Variants in CCDC171 observed in about 807,000 individuals in gnomAD.
The protein encoded by CCDC171 is coiled-coil domain containing 171.
In CCDC171, 177 loss-of-function variants were observed where a neutral mutation model predicts 168.2. The observed-to-expected ratio is 1.05, with a 90% CI of 0.93 to 1.19. The LOEUF is 1.19. Ranked by LOEUF, CCDC171 falls within the 50% of genes most tolerant of loss-of-function variation. CCDC171 has a pLI of 0.00. For missense variants in CCDC171, 1,991 were observed against 1,539.0 expected (o/e 1.29, Z -4.91); for synonymous variants, 687 against 540.8 (o/e 1.27, Z -3.75).
At chr9:16,092,123 A>G in the CCDC171 span, among the ~76,000 whole-genome samples, 1 of 152,224 alleles carries the variant, frequency 6.6e-6, no homozygotes, top group East Asian at 1.9e-4. Context: ...CAACTTGGAA[A>G]AGCAAATAGG....
intron 19 of CCDC171, among the ~76,000 whole-genome samples, 190 bp from the exon 20 acceptor site, chr9:15,778,778 T>C (rs1037704434): frequency 2.6e-5 from 4 of 152,140 alleles, no homozygotes; most frequent in African/African-American, 9.7e-5. Flanking sequence ...ATTTCTTTTC[T>C]CCAGATGTTC....
Position 15,783,144 on chromosome 9 carries a change from A to G in CCDC171, c.3082-1365A>G, listed in dbSNP as rs577268018. 2.6e-5 allele frequency among the ~76,000 whole-genome samples: 4 copies of G among 152,308 alleles called. No individual in the cohort carries two copies. In the East Asian group the frequency reaches 7.7e-4, roughly 29 times the overall value. ...GTGGCAGGCAGGGTACCTGGTGCCAAAATAAAACTGAGTGCTTATGTATTA... is the reference window on the plus strand; with the variant it reads ...GTGGCAGGCAGGGTACCTGGTGCCAGAATAAAACTGAGTGCTTATGTATTA... On this transcript the variant is annotated intron_variant, in intron 20 of 25. Coordinates refer to ENST00000380701, the MANE Select transcript of CCDC171 (RefSeq NM_173550.4).
intron 16 of CCDC171, among the ~76,000 whole-genome samples, chr9:15,739,557 T>G (rs2054714093): frequency 6.6e-6 from 1 of 152,104 alleles, no homozygotes; most frequent in African/African-American, 2.4e-5. Context: ...TAGTTCAGTA[T>G]AAGGATTTAA....
intron 10 of CCDC171, among the ~76,000 whole-genome samples, chr9:15,689,574 G>C (rs1163135724): frequency 6.6e-6 from 1 of 152,114 alleles, no homozygotes; most frequent in African/African-American, 2.4e-5. Flanking sequence ...TGCCAGGTGT[G>C]ATGGCGCGTA....
chr9:15,911,957 G>T (rs201345024), intron 24 of CCDC171, among the ~76,000 whole-genome samples: 1 of 152,014 alleles, frequency 6.6e-6, no homozygotes. Context: ...GTAGCCTTGT[G>T]GTATAGTTTG....
At position 15,643,185 on chromosome 9, in the gene CCDC171, C is replaced by G. The variant is rs533980965; in HGVS notation, c.823-13942C>G. Among the ~76,000 whole-genome samples, 51 of 152,004 alleles carry G rather than the reference C, an allele frequency of 3.4e-4. No homozygotes were observed. The South Asian group carries it at 5.8e-3, about 17-fold the overall frequency. On this transcript the variant is annotated intron_variant, in intron 7 of 25. Transcript: ENST00000380701. ...TTGCTAGCTTTTAAAATCATTTATT[C>G]TCAATCCTATGGGCTATTTCCTTGT...
chr9:15,628,616 A>G (rs1397746867), intron 7 of CCDC171, among the ~76,000 whole-genome samples: 1 of 152,218 alleles, frequency 6.6e-6, no homozygotes, highest in Non-Finnish European at 1.5e-5. Context: ...AGACAAACAA[A>G]AAGACAGCAG....
chr9:15,598,880 A>C (rs2042599633), intron 6 of CCDC171, among the ~76,000 whole-genome samples: 2 of 152,114 alleles, frequency 1.3e-5, no homozygotes, highest in South Asian at 4.1e-4. Flanking sequence ...TTCTTGTTGA[A>C]TTGATCCCTT....
chr9:15,606,920 A>G (rs1181969878), intron 6 of CCDC171, among the ~76,000 whole-genome samples: 1 of 152,210 alleles, frequency 6.6e-6, no homozygotes, highest in East Asian at 1.9e-4. Context: ...ACAGACACAC[A>G]TAATAAAGAT....
chr9:15,688,332 A>C (rs1405657586), intron 10 of CCDC171, among the ~76,000 whole-genome samples: 2 of 152,136 alleles, frequency 1.3e-5, no homozygotes, highest in East Asian at 3.8e-4. Flanking sequence ...AATTCTTTCA[A>C]AAATAGAAGA....
Position 15,566,901 on chromosome 9 carries a change from C to T in CCDC171, c.41+2772C>T, listed in dbSNP as rs549303623. Among the ~76,000 whole-genome samples the T allele has an allele frequency of 2.2e-3, 336 of 152,262 alleles. 1 individual carries two copies. The highest frequency in any genetic ancestry group is 7.9e-3 in the African/African-American group (327 of 41,546). ...GCATGTGCGTAGCCAGTTGTTCCAGCAGCGTTGTTGATAAGAGTAACATTT... is the reference window on the plus strand; with the variant it reads ...GCATGTGCGTAGCCAGTTGTTCCAGTAGCGTTGTTGATAAGAGTAACATTT... On this transcript the variant is annotated intron_variant, in intron 2 of 25. Coordinates refer to ENST00000380701, the MANE Select transcript of CCDC171 (RefSeq NM_173550.4).
At chr9:15,738,204 C>T (rs1196181201) in intron 16 of CCDC171, among the ~76,000 whole-genome samples, 2 of 152,208 alleles carry the variant, frequency 1.3e-5, no homozygotes, top group Admixed American at 1.3e-4. Context: ...TGTCTAATTT[C>T]TGGCCCAGAG....
At chr9:16,001,188 A>C (rs1378194949) in intron 3 of CCDC171, among the ~76,000 whole-genome samples, 1 of 152,224 alleles carries the variant, frequency 6.6e-6, no homozygotes, top group African/African-American at 2.4e-5. Flanking sequence ...ACAGGAGTGC[A>C]TGATCTTGTA....
At chr9:15,874,071 T>C (rs1235619736) in intron 23 of CCDC171, among the ~76,000 whole-genome samples, 2 of 152,106 alleles carry the variant, frequency 1.3e-5, no homozygotes, top group Non-Finnish European at 2.9e-5. Flanking sequence ...GATTCTAGAG[T>C]ACATGTTATT....
chr9:15,879,193 A>C (rs2794630), intron 24 of CCDC171, among the ~76,000 whole-genome samples: 118,122 of 151,818 alleles, frequency 0.78, 46,710 homozygotes, highest in East Asian at 0.85. Flanking sequence ...TATATTCTTC[A>C]AGTTATTTTT....
At chr9:15,926,360 C>T (rs1825892730) in intron 25 of CCDC171, among the ~76,000 whole-genome samples, 2 of 151,680 alleles carry the variant, frequency 1.3e-5, no homozygotes, top group Admixed American at 1.3e-4. Context: ...AGCCCGTACC[C>T]AGTGAGCCCA....
At chr9:16,050,791 G>C (rs191013384) in intron 1 of CCDC171, among the ~76,000 whole-genome samples, 1 of 152,310 alleles carries the variant, frequency 6.6e-6, no homozygotes, top group African/African-American at 2.4e-5. Context: ...CTGGGCTCTT[G>C]AGCTACTGCA....
chr9:15,677,569 A>G (rs543757937), intron 9 of CCDC171, among the ~76,000 whole-genome samples: 1 of 152,084 alleles, frequency 6.6e-6, no homozygotes. Context: ...CAGATTTAAA[A>G]CAGTGACAAC....
intron 18 of CCDC171, among the ~76,000 whole-genome samples, chr9:15,761,431 A>G (rs887545133): frequency 6.6e-6 from 1 of 152,180 alleles, no homozygotes; most frequent in Non-Finnish European, 1.5e-5. Context: ...ATCTTAAAAA[A>G]ATTATAAAAA....
Sources: gnomAD v4.1 joint callset for allele counts (sites outside exome capture counted in the v4.1 genomes callset) on GRCh38, gnomAD v4.1.1 for gene constraint, MANE v1.5 for transcripts, NCBI Gene and HGNC (gene_info 2026-07-23, HGNC 2026-07-21) for gene names.